The following RPS10 variants were observed in gnomAD, a reference collection of about 807,000 sequenced individuals.
RPS10 encodes small ribosomal subunit protein eS10.
Under a neutral mutation model 22.6 loss-of-function variants are expected in RPS10, and 2 were observed. The observed-to-expected ratio is 0.09, with a 90% confidence interval of 0.04 to 0.28. The LOEUF (loss-of-function observed/expected upper bound fraction) is 0.28. RPS10 is among the 10% of genes least tolerant of loss of function. The pLI is 1.00. For synonymous variants in RPS10, 70 were observed against 75.9 expected (o/e 0.92, Z 0.40); for missense variants, 137 against 222.2 (o/e 0.62, Z 2.44).
At chr6:34,420,311 G>A (rs1299268127) in intron 4 of RPS10, among the ~76,000 whole-genome samples, 1 of 151,996 alleles carries the variant, frequency 6.6e-6, no homozygotes, top group Admixed American at 6.6e-5. Flanking sequence ...CGCCTCCCAG[G>A]TTCAAGCAAT....
chr6:34,423,143 G>C (rs528174095), intron 3 of RPS10, among the ~76,000 whole-genome samples: 1 of 151,682 alleles, frequency 6.6e-6, no homozygotes, highest in African/African-American at 2.4e-5. Flanking sequence ...GAACTTACCC[G>C]GAGTCCATAT....
intron 5 of RPS10, 47 bp downstream of exon 5, chr6:34,418,322 G>A (rs1300490676): frequency 1.2e-6 from 2 of 1,613,656 alleles, no homozygotes; most frequent in Non-Finnish European, 1.7e-6. Context: ...CCAGACTGAG[G>A]CCAGAACAAG....
intron 3 of RPS10, among the ~76,000 whole-genome samples, chr6:34,423,352 A>T (rs1663682351): frequency 6.6e-6 from 1 of 152,006 alleles, no homozygotes; most frequent in South Asian, 2.1e-4. Context: ...AGCTGGTCTC[A>T]AACTCCTGGA....
chr6:34,421,823 C>G lies in RPS10; in HGVS notation c.323-16G>C. ...CCCTCCAGACCTATGTAAATCAAAC[C>G]ACACTGTGAACACAGGGCAATGTGA... On this transcript the variant is annotated splice_polypyrimidine_tract_variant and intron_variant, in intron 3 of 5. Coordinates refer to ENST00000648437, the MANE Select transcript of RPS10 (RefSeq NM_001014.5). The G allele has an allele frequency of 6.8e-6, 11 of 1,613,896 alleles. No individual in the cohort carries two copies. Among genetic ancestry groups the G allele is most frequent in the Non-Finnish European group, 9.3e-6 (11 of 1,179,836 alleles).
rs1765620628 is a variant in RPS10 at position 34,417,531 on chromosome 6, C to T, written c.473G>A (p.Arg158His). ...TTACTGAGGTGGCTGACCACGTCCA[C>T]GACCAAATCCGCCTCTCTGTAAGAG... ...TEFQFRGGFGRGRGQPPQ is the reference protein window; with the variant it reads ...TEFQFRGGFGHGRGQPPQ Residue 158 changes from arginine to histidine, a missense_variant, in exon 6 of 6, where the codon CGT (arginine) becomes CAT (histidine). Transcript: ENST00000648437. 1.2e-6 allele frequency: 2 copies of T among 1,612,940 alleles called. No individual in the cohort carries two copies. The highest frequency in any genetic ancestry group is 1.7e-6 in the Non-Finnish European group (2 of 1,179,946).
chr6:34,417,881 T>A (rs1285058713), intron 5 of RPS10: 1 of 717,944 alleles, frequency 1.4e-6, no homozygotes, highest in Non-Finnish European at 2.6e-6. Context: ...CTGAGAGCAA[T>A]CGTGTGCTAT....
intron 5 of RPS10, chr6:34,418,007 C>A: frequency 2.9e-6 from 2 of 695,634 alleles, no homozygotes; most frequent in Non-Finnish European, 2.5e-6. Flanking sequence ...GAAACTGAGG[C>A]AGAGGGGAAC....
intron 3 of RPS10, among the ~76,000 whole-genome samples, chr6:34,423,361 G>A (rs1188750816): frequency 6.6e-6 from 1 of 152,006 alleles, no homozygotes. Context: ...CAAACTCCTG[G>A]ACTCAAGTAG....
intron 1 of RPS10, 100 bp from the exon 2 acceptor site, chr6:34,425,321 A>G: frequency 6.8e-7 from 1 of 1,468,466 alleles, no homozygotes; most frequent in South Asian, 1.2e-5. Context: ...AAAACCGTAG[A>G]CAACATGCTG....
Position 34,418,422 on chromosome 6 carries a change from C to A in RPS10, c.403G>T (p.Gly135Cys). 4 of 1,614,154 alleles carry A rather than the reference C, an allele frequency of 2.5e-6. No homozygotes were observed. Among genetic ancestry groups the A allele is most frequent in the Non-Finnish European group, 2.5e-6 (3 of 1,180,008 alleles). Residue 135 changes from glycine to cysteine, a missense_variant and splice_region_variant, in exon 5 of 6, where the codon GGT (glycine) becomes TGT (cysteine). Gly to Cys is a radical substitution (Grantham distance 159). Coordinates refer to ENST00000648437, the MANE Select transcript of RPS10 (RefSeq NM_001014.5). Reference protein sequence around the residue: ...DTYRRSAVPPGADKKAEAGAG... With the variant: ...DTYRRSAVPPCADKKAEAGAG... ...CCAGCCTCGGCTTTCTTGTCGGCAC[C>A]AGCTAGAAAGTGAAACATCGATTTA...
intron 5 of RPS10, chr6:34,417,896 A>ACCTG (rs1402152861): frequency 5.6e-6 from 4 of 717,736 alleles, no homozygotes; most frequent in African/African-American, 1.7e-5. Context: ...TGCTATGAGG[A>ACCTG]CCTGCCATAG....
chr6:34,417,521 A>C lies in RPS10; in HGVS notation c.483T>G (p.Gly161=). ...CTCTCCAATTTTACTGAGGTGGCTG[A>C]CCACGTCCACGACCAAATCCGCCTC... is the stretch of plus-strand genomic sequence containing the variant. ...QFRGGFGRGR[G]QPPQ The change falls in exon 6 of 6, where the codon GGT becomes GGG. Residue 161 remains glycine (G), a synonymous_variant. Coordinates refer to ENST00000648437, the MANE Select transcript of RPS10 (RefSeq NM_001014.5). The C allele has an allele frequency of 1.2e-6, 2 of 1,612,806 alleles. No homozygotes were observed. Among genetic ancestry groups the C allele is most frequent in the Non-Finnish European group, 1.7e-6 (2 of 1,179,912 alleles).
At chr6:34,420,337 T>C (rs969182585) in intron 4 of RPS10, among the ~76,000 whole-genome samples, 3 of 152,086 alleles carry the variant, frequency 2.0e-5, no homozygotes, top group Non-Finnish European at 4.4e-5. Context: ...CGCCTCAGCC[T>C]CCCGAGTAGC....
At chr6:34,423,834 G>A (rs1050533133) in intron 3 of RPS10, among the ~76,000 whole-genome samples, 1 of 152,022 alleles carries the variant, frequency 6.6e-6, no homozygotes, top group African/African-American at 2.4e-5. Flanking sequence ...AGCTGAGATC[G>A]CACCACTGCA....
At chr6:34,421,624 G>A in intron 4 of RPS10, 106 bp downstream of exon 4, 2 of 1,262,602 alleles carry the variant, frequency 1.6e-6, no homozygotes, top group Non-Finnish European at 2.3e-6. Context: ...ATCTTTCCTG[G>A]TCATTTTGTC....
chr6:34,425,311 A>G, intron 1 of RPS10, 90 bp from the exon 2 acceptor site: 6 of 1,504,228 alleles, frequency 4.0e-6, no homozygotes, highest in Non-Finnish European at 5.4e-6. Flanking sequence ...TGACCCACAC[A>G]AAACCGTAGA....
In RPS10 at chr6:34,424,663, C is replaced by T; in HGVS notation, c.322+6G>A. On this transcript the variant is annotated splice_donor_region_variant and intron_variant, in intron 3 of 5. Transcript: ENST00000648437. ...ATAGCTGAAGGGATTTGTGTGGGAA[C>T]CATACCTTTAGGCCGAGGCCTGCCA... The T allele has an allele frequency of 6.2e-7, 1 of 1,614,070 alleles. No homozygotes were observed.
intron 4 of RPS10, among the ~76,000 whole-genome samples, chr6:34,420,857 A>C (rs944088882): frequency 6.6e-6 from 1 of 151,402 alleles, no homozygotes; most frequent in African/African-American, 2.4e-5. Flanking sequence ...ATACAAAAAA[A>C]ATTAGCTGGG....
intron 4 of RPS10, among the ~76,000 whole-genome samples, chr6:34,419,184 A>G (rs534217837): frequency 6.6e-6 from 1 of 152,042 alleles, no homozygotes; most frequent in South Asian, 2.1e-4. Context: ...ATGCATGGCT[A>G]ATTTTTTTGT....
Sources: gnomAD v4.1 joint callset for allele counts (sites outside exome capture counted in the v4.1 genomes callset) on GRCh38, gnomAD v4.1.1 for gene constraint, MANE v1.5 for transcripts, NCBI Gene and HGNC (gene_info 2026-07-23, HGNC 2026-07-21) for gene names.